The following MPRIP variants were observed in gnomAD, a reference collection of about 807,000 sequenced individuals.
The protein encoded by MPRIP is myosin phosphatase Rho-interacting protein.
Under a neutral mutation model 234.9 loss-of-function variants are expected in MPRIP, and 59 were observed. That is an observed-to-expected ratio of 0.25 (90% CI 0.20 to 0.31). The LOEUF (loss-of-function observed/expected upper bound fraction) is 0.31, where lower values mean the gene tolerates loss of function less well. Among genes scored for constraint, MPRIP ranks in the 10% least tolerant of loss-of-function variants. The pLI, the probability that MPRIP is intolerant of heterozygous loss-of-function variation, is 1.00. For missense variants in MPRIP, 2,436 were observed against 3,071.0 expected, an observed-to-expected ratio of 0.79 and a Z score of 4.89; for synonymous variants, 1,144 against 1,263.9, an observed-to-expected ratio of 0.91 and a Z score of 2.01.
At chr17:17,137,817 C>A in intron 6 of MPRIP, 99 bp from the exon 7 acceptor site, 1 of 1,069,030 alleles carries the variant, frequency 9.4e-7, no homozygotes, top group Non-Finnish European at 1.3e-6. Flanking sequence ...GTGGAGAAGG[C>A]CCCTGCTTGG....
At chr17:17,158,345 G>C (rs2045777915) in intron 13 of MPRIP, 87 bp from the exon 14 acceptor site, 1 of 1,145,910 alleles carries the variant, frequency 8.7e-7, no homozygotes, top group African/African-American at 1.5e-5. Flanking sequence ...ACAGGGGCTG[G>C]GTTGTGGCTC....
intron 1 of MPRIP, among the ~76,000 whole-genome samples, chr17:17,075,195 G>T (rs755780136): frequency 4.6e-5 from 7 of 152,164 alleles, no homozygotes; most frequent in Non-Finnish European, 1.5e-5. Context: ...TCAAATGGGA[G>T]AGTTTGAACT....
intron 3 of MPRIP, among the ~76,000 whole-genome samples, chr17:17,094,154 T>G (rs1878561872): frequency 6.6e-6 from 1 of 152,204 alleles, no homozygotes; most frequent in African/African-American, 2.4e-5. Context: ...TTTTGGTTTT[T>G]GGTTTACTTC....
chr17:17,082,556 A>G (rs1419153417), intron 3 of MPRIP, among the ~76,000 whole-genome samples: 3 of 152,018 alleles, frequency 2.0e-5, no homozygotes, highest in African/African-American at 7.2e-5. Flanking sequence ...CGGCCTCCCA[A>G]AGTGCTGGGA....
chr17:17,180,457 T>A, intron 23 of MPRIP: 1 of 773,538 alleles, frequency 1.3e-6, no homozygotes, highest in Non-Finnish European at 2.3e-6. Context: ...GAGATGATGC[T>A]GCCTGCTCTT....
intron 3 of MPRIP, among the ~76,000 whole-genome samples, chr17:17,118,809 T>G (rs2090334361): frequency 6.6e-6 from 1 of 152,098 alleles, no homozygotes; most frequent in Non-Finnish European, 1.5e-5. Flanking sequence ...CTCAGAGGAC[T>G]TGGGCTTTGG....
chr17:17,097,054 G>A (rs191603119), intron 3 of MPRIP: 2 of 258,168 alleles, frequency 7.7e-6, no homozygotes, highest in East Asian at 9.5e-5. Flanking sequence ...AACATTCTGG[G>A]GTGTGGAGCA....
In MPRIP at chr17:17,049,361, C is replaced by T. The variant is rs1288560372; in HGVS notation, c.123+6390C>T. Among the ~76,000 whole-genome samples the T allele has an allele frequency of 8.5e-5, 13 of 152,324 alleles. No homozygotes were observed. The East Asian group carries it at 1.5e-3, about 18-fold the overall frequency. ...TATGATGGGACTTATGGTGGGGGTA[C>T]ATCCAGGTAAAACCCATCAGACCTA... On this transcript the variant is annotated intron_variant, in intron 1 of 23. Coordinates refer to ENST00000651222, the MANE Select transcript of MPRIP (RefSeq NM_001364716.4).
rs1245456933 is a variant in MPRIP, at chr17:17,143,545, C to T, written c.1390-11C>T. ...TGGGCTGCACTGACCAGCGGCTGCT[C>T]TCTGCCACAGGACTTCACCAATGAA... On this transcript the variant is annotated splice_polypyrimidine_tract_variant and intron_variant, in intron 8 of 23. Coordinates refer to ENST00000651222, the MANE Select transcript of MPRIP (RefSeq NM_001364716.4). 1 of 1,575,200 alleles carries T rather than the reference C, an allele frequency of 6.3e-7. No homozygotes were observed. Among genetic ancestry groups the T allele is most frequent in the Non-Finnish European group, 8.7e-7 (1 of 1,154,920 alleles).
At chr17:17,168,334 A>C in intron 16 of MPRIP, 1 of 249,902 alleles carries the variant, frequency 4.0e-6, no homozygotes, top group South Asian at 4.8e-5. Flanking sequence ...ACAGCCTTGT[A>C]CTCACAGCAA....
intron 3 of MPRIP, among the ~76,000 whole-genome samples, chr17:17,115,945 G>A (rs1167387392): frequency 1.3e-5 from 2 of 152,144 alleles, no homozygotes; most frequent in Non-Finnish European, 2.9e-5. Context: ...CCACTGTCTG[G>A]TCTTTGCACA....
Position 17,179,297 on chromosome 17 carries a change from A to C in MPRIP, c.7121-706A>C, listed in dbSNP as rs140161502. ...CCCCGTCTCTACTAAAAATACAAAA[A>C]TTAGCTGGACATGGTGGCACGCACC... On this transcript the variant is annotated intron_variant, in intron 22 of 23. Coordinates refer to ENST00000651222, the MANE Select transcript of MPRIP (RefSeq NM_001364716.4). Among the ~76,000 whole-genome samples the C allele has an allele frequency of 5.8e-4, 88 of 152,254 alleles. No individual in the cohort carries two copies. In the East Asian group the frequency reaches 0.017, roughly 29 times the overall value.
At chr17:17,183,389 G>A (rs1012614914) in intron 23 of MPRIP, 1 of 152,176 alleles carries the variant, frequency 6.6e-6, no homozygotes, top group Admixed American at 6.5e-5. Context: ...CTAATTTTTT[G>A]TATTTTTTAG....
chr17:17,049,703 G>T (rs558823382), intron 1 of MPRIP, among the ~76,000 whole-genome samples: 5 of 152,178 alleles, frequency 3.3e-5, no homozygotes, highest in African/African-American at 1.2e-4. Flanking sequence ...AGGCAAAATC[G>T]AGGAGGTTGT....
chr17:17,096,113 C>G (rs745909922), intron 3 of MPRIP, among the ~76,000 whole-genome samples: 2 of 152,148 alleles, frequency 1.3e-5, no homozygotes, highest in Non-Finnish European at 2.9e-5. Context: ...AGGAACTGGC[C>G]CGCAGCCTGT....
chr17:17,160,637 G>T (rs1483412029), intron 14 of MPRIP, among the ~76,000 whole-genome samples: 1 of 152,242 alleles, frequency 6.6e-6, no homozygotes, highest in East Asian at 1.9e-4. Flanking sequence ...CCTTGTTTGA[G>T]GGAACTGCGG....
At chr17:17,137,737 A>G (rs2090731525) in intron 6 of MPRIP, among the ~76,000 whole-genome samples, 179 bp from the exon 7 acceptor site, 2 of 152,130 alleles carry the variant, frequency 1.3e-5, no homozygotes, top group African/African-American at 2.4e-5. Context: ...GAAATATTTC[A>G]TTCCCATCCA....
intron 3 of MPRIP, among the ~76,000 whole-genome samples, chr17:17,111,530 C>T (rs7215588): frequency 0.045 from 6,813 of 152,278 alleles, 475 homozygotes; most frequent in African/African-American, 0.14. Flanking sequence ...AGGGGGGTCT[C>T]TGTTTTCTGC....
intron 6 of MPRIP, 66 bp downstream of exon 6, chr17:17,136,516 G>T: frequency 6.7e-7 from 1 of 1,483,990 alleles, no homozygotes; most frequent in African/African-American, 1.4e-5. Context: ...AGCTGGCCCT[G>T]GGGATTCAGC....
Sources: gnomAD v4.1 joint callset for allele counts (sites outside exome capture counted in the v4.1 genomes callset) on GRCh38, gnomAD v4.1.1 for gene constraint, MANE v1.5 for transcripts, NCBI Gene and HGNC (gene_info 2026-07-23, HGNC 2026-07-21) for gene names.